Variants in AEBP2 observed in about 807,000 individuals in gnomAD.
AEBP2 encodes AE binding protein 2.
AEBP2 carries 10 observed loss-of-function variants against 50.8 expected under a neutral mutation model. The observed-to-expected ratio is 0.20, with a 90% CI of 0.12 to 0.33. The LOEUF (loss-of-function observed/expected upper bound fraction) is 0.33, where lower values mean the gene tolerates loss of function less well. AEBP2 is among the 10% of genes least tolerant of loss of function. The probability of loss-of-function intolerance (pLI) is 1.00; values close to 1 mark genes in which losing one functional copy is unlikely to be tolerated. For missense variants in AEBP2, 570 were observed against 688.0 expected (o/e 0.83, Z 1.92); for synonymous variants, 296 against 261.3 (o/e 1.13, Z -1.28).
chr12:19,508,933 G>C, intron 5 of AEBP2: 1 of 419,394 alleles, frequency 2.4e-6, no homozygotes, highest in Non-Finnish European at 4.6e-6. Context: ...ACTGTCGTAG[G>C]CTTTTCTACA....
At chr12:19,474,539 T>C (rs72640119) in intron 3 of AEBP2, among the ~76,000 whole-genome samples, 7,296 of 152,274 alleles carry the variant, frequency 0.048, 384 homozygotes, top group Admixed American at 0.15. Context: ...TGATTTTTTT[T>C]CTAGTATTTC....
chr12:19,456,326 A>T, intron 1 of AEBP2: 1 of 1,435,938 alleles, frequency 7.0e-7, no homozygotes, highest in Non-Finnish European at 9.7e-7. Flanking sequence ...CTTTGATGAC[A>T]TCCACTGCAA....
intron 4 of AEBP2, among the ~76,000 whole-genome samples, chr12:19,497,124 AATATGGTAC>A (rs1300001636): frequency 6.6e-6 from 1 of 151,804 alleles, no homozygotes; most frequent in African/African-American, 2.4e-5. Context: ...GAGATTTACC[AATATGGTAC>A]ATTTGTTTTA....
At chr12:19,440,503 C>A in intron 1 of AEBP2, 133 bp downstream of exon 1, 2 of 1,403,254 alleles carry the variant, frequency 1.4e-6, no homozygotes, top group Non-Finnish European at 1.9e-6. Context: ...AGACTCTCAA[C>A]TCGGAAATCT....
At position 19,485,019 on chromosome 12, in the gene AEBP2, C is replaced by T. The variant is rs1385563125; in HGVS notation, c.988-8781C>T. 5.3e-5 allele frequency among the ~76,000 whole-genome samples: 8 copies of T among 152,200 alleles called. No individual in the cohort carries two copies. The South Asian group carries it at 1.7e-3, about 32-fold the overall frequency. Reference sequence around the variant, plus strand: ...CTAATTACATCATGAAGTTCTTGTTCAGTGTGTGCACACTAAATATAAGAG... The same window carrying T: ...CTAATTACATCATGAAGTTCTTGTTTAGTGTGTGCACACTAAATATAAGAG... On this transcript the variant is annotated intron_variant, in intron 3 of 7. Coordinates refer to ENST00000266508, the MANE Select transcript of AEBP2 (RefSeq NM_153207.5).
intron 1 of AEBP2, among the ~76,000 whole-genome samples, chr12:19,443,266 T>G (rs117977274): frequency 0.043 from 6,458 of 151,934 alleles, 316 homozygotes; most frequent in Admixed American, 0.14. Flanking sequence ...CTGGCTAATT[T>G]TTGTTTTTAG....
At chr12:19,450,682 G>GA (rs111795272) in intron 1 of AEBP2, among the ~76,000 whole-genome samples, 32 of 114,954 alleles carry the variant, frequency 2.8e-4, no homozygotes, top group African/African-American at 5.5e-4. Flanking sequence ...AAAAAAAAAA[G>GA]AAAAAAAAAA....
chr12:19,433,865 G>T (rs559327728), intron 1 of AEBP2, among the ~76,000 whole-genome samples: 1 of 151,844 alleles, frequency 6.6e-6, no homozygotes, highest in African/African-American at 2.4e-5. Flanking sequence ...TTGTTTATTT[G>T]AGATGGAGTC....
At chr12:19,462,111 A>G (rs1015299364) in intron 1 of AEBP2, among the ~76,000 whole-genome samples, 5 of 152,190 alleles carry the variant, frequency 3.3e-5, no homozygotes, top group African/African-American at 9.7e-5. Flanking sequence ...CAGAGCTATA[A>G]AGATAATGCT....
chr12:19,475,559 G>A (rs1948636533), intron 3 of AEBP2, among the ~76,000 whole-genome samples: 1 of 151,996 alleles, frequency 6.6e-6, no homozygotes, highest in Admixed American at 6.6e-5. Flanking sequence ...ACTTTTCCCA[G>A]TAGTCATTCA....
chr12:19,412,718 G>A (rs564004985), intron 1 of AEBP2, among the ~76,000 whole-genome samples: 1 of 152,306 alleles, frequency 6.6e-6, no homozygotes, highest in Non-Finnish European at 1.5e-5. Flanking sequence ...ACAGGACAGA[G>A]AAATATGTTA....
At chr12:19,494,435 C>T (rs1948939516) in intron 4 of AEBP2, among the ~76,000 whole-genome samples, 1 of 143,184 alleles carries the variant, frequency 7.0e-6, no homozygotes, top group African/African-American at 2.6e-5. Context: ...GACCCTGTCT[C>T]AAAAAACCAA....
At chr12:19,510,623 A>G (rs902488151) in intron 5 of AEBP2, among the ~76,000 whole-genome samples, 2 of 152,196 alleles carry the variant, frequency 1.3e-5, no homozygotes, top group African/African-American at 4.8e-5. Context: ...TTTGTTTTAT[A>G]TAGAGCCAAA....
intron 1 of AEBP2, among the ~76,000 whole-genome samples, chr12:19,449,484 C>T (rs772988906): frequency 5.9e-5 from 9 of 152,128 alleles, no homozygotes; most frequent in African/African-American, 2.2e-4. Flanking sequence ...GTAATGTGCT[C>T]AGTGCGTAGT....
chr12:19,517,589 G>T (rs1440747768), intron 7 of AEBP2, among the ~76,000 whole-genome samples: 2 of 152,190 alleles, frequency 1.3e-5, no homozygotes, highest in African/African-American at 4.8e-5. Context: ...CTTGGATTTT[G>T]GAATCTGCAG....
chr12:19,465,368 T>G (rs999943792), intron 2 of AEBP2, among the ~76,000 whole-genome samples: 1 of 151,994 alleles, frequency 6.6e-6, no homozygotes, highest in Non-Finnish European at 1.5e-5. Flanking sequence ...CACTCCAGCC[T>G]GGGTGACAGA....
At chr12:19,482,448 G>A (rs1400790725) in intron 3 of AEBP2, among the ~76,000 whole-genome samples, 1 of 152,188 alleles carries the variant, frequency 6.6e-6, no homozygotes, top group Non-Finnish European at 1.5e-5. Flanking sequence ...CCAGGATGTC[G>A]CAGGCAGTGG....
chr12:19,430,438 A>G (rs1765202064), intron 1 of AEBP2, among the ~76,000 whole-genome samples: 1 of 152,206 alleles, frequency 6.6e-6, no homozygotes, highest in Non-Finnish European at 1.5e-5. Flanking sequence ...CCTTTGGCTT[A>G]GGATTGACTC....
chr12:19,462,415 G>C lies in AEBP2; in HGVS notation c.672-95G>C. Reference sequence around the variant, plus strand: ...TACTATGCTTTGTTCACATGGAGCAGAATGTCAAGTGGTAATCTTAATTAA... The same window carrying C: ...TACTATGCTTTGTTCACATGGAGCACAATGTCAAGTGGTAATCTTAATTAA... On this transcript the variant is annotated intron_variant, in intron 1 of 7. Coordinates refer to ENST00000266508, the MANE Select transcript of AEBP2 (RefSeq NM_153207.5). 6 of 1,034,958 alleles carry C rather than the reference G, an allele frequency of 5.8e-6. No homozygotes were observed. The South Asian group carries it at 7.7e-5, about 13-fold the overall frequency. 64.1% of individuals were successfully genotyped at this position (1,034,958 alleles called of 1,614,324 possible). A position where few individuals can be genotyped will look rare whatever the true frequency, so the allele number is the denominator to read the frequency against.
Sources: allele counts gnomAD v4.1 joint callset (sites outside exome capture counted in the v4.1 genomes callset), GRCh38; gene constraint gnomAD v4.1.1; transcripts MANE v1.5; gene names NCBI Gene and HGNC (gene_info 2026-07-23, HGNC 2026-07-21).